Variants in MRPS22 observed in about 807,000 individuals in gnomAD.
MRPS22 encodes mitochondrial ribosomal protein S22.
A neutral mutation model predicts 44.0 loss-of-function variants in MRPS22; 30 were observed. The observed-to-expected ratio is 0.68, with a 90% confidence interval of 0.51 to 0.93. The LOEUF (loss-of-function observed/expected upper bound fraction) is 0.93. MRPS22 is among the 40% of genes least tolerant of loss of function. MRPS22 has a pLI of 0.00. For synonymous variants in MRPS22, 165 were observed against 154.4 expected, an observed-to-expected ratio of 1.07 and a Z score of -0.51; for missense variants, 447 against 447.8, an observed-to-expected ratio of 1.00 and a Z score of 0.02.
In MRPS22 at chr3:139,344,053, G is replaced by C. The variant is rs148997212; in HGVS notation, c.27G>C (p.Leu9Phe). Residue 9 changes from leucine (L) to phenylalanine (F), a missense_variant, in exon 1 of 8, where the codon TTG becomes TTC. Physicochemically the swap from Leu to Phe is conservative, Grantham distance 22. Transcript: ENST00000680020. Reference protein sequence around the residue: MAPLGTTVLLWSLLRSSPG... With the variant: MAPLGTTVFLWSLLRSSPG... ...TGGCGCCCCTCGGAACAACTGTATT[G>C]CTGTGGAGCCTCTTGAGGAGTTCTC... The C allele has an allele frequency of 3.5e-4, 566 of 1,614,158 alleles. 3 individuals carry two copies. In the African/African-American group the frequency reaches 6.9e-3, roughly 20 times the overall value.
At chr3:139,350,430 CT>C (rs987039315) in intron 4 of MRPS22, 108 bp downstream of exon 4, 101,862 of 953,320 alleles carry the variant, frequency 0.11, no homozygotes, top group South Asian at 0.13. Context: ...GATAACTTGA[CT>C]TTTTTTTTTT....
upstream of MRPS22, chr3:139,344,016 T>G (rs773406282): frequency 3.1e-6 from 5 of 1,614,204 alleles, no homozygotes; most frequent in South Asian, 4.4e-5. Context: ...CGCAAGTGGC[T>G]TCTGATAATC....
At position 139,351,049 on chromosome 3, in the gene MRPS22, G is replaced by C. The variant is rs1941142563; in HGVS notation, c.721G>C (p.Glu241Gln). 2 of 1,613,620 alleles carry C rather than the reference G, an allele frequency of 1.2e-6. No homozygotes were observed. The highest frequency in any genetic ancestry group is 1.1e-5 in the South Asian group (1 of 91,074). The change falls in exon 5 of 8, where the codon GAG (glutamate) becomes CAG (glutamine). Residue 241 changes from glutamate to glutamine, a missense_variant. Glu to Gln is a conservative substitution (Grantham distance 29, BLOSUM62 2). Coordinates refer to ENST00000680020, the MANE Select transcript of MRPS22 (RefSeq NM_020191.4). ...TGCCCAGTTTGAGCCAGATTCCACA[G>C]AGTATATCAAGGTGAGTAGATTTTA... is the stretch of plus-strand genomic sequence containing the variant. ...CFAQFEPDST[E>Q]YIKVHHKTYE...
At chr3:139,355,865 T>A in intron 7 of MRPS22, 75 bp downstream of exon 7, 1 of 993,804 alleles carries the variant, frequency 1.0e-6, no homozygotes, top group Non-Finnish European at 1.6e-6. Flanking sequence ...GGGTCATAAT[T>A]AATGGTAACT....
chr3:139,350,796 A>G (rs1941136230), intron 4 of MRPS22, 181 bp from the exon 5 acceptor site: 2 of 659,712 alleles, frequency 3.0e-6, no homozygotes, highest in South Asian at 1.6e-5. Context: ...GGGTTCTCTC[A>G]TAATTGGCTT....
Position 139,348,189 on chromosome 3 carries a change from A to C in MRPS22, c.369A>C (p.Lys123Asn). Residue 123 changes from lysine (K) to asparagine (N), a missense_variant, in exon 3 of 8, where the codon AAA (lysine) becomes AAC (asparagine). Transcript: ENST00000680020. ...CAAGACAGGCAGTTGAGGCAGCTAA[A>C]GTACGATTAAAAATGCCACCAGTTC... ...EATRQAVEAAKVRLKMPPVLE... is the reference protein window; with the variant it reads ...EATRQAVEAANVRLKMPPVLE... 1 of 1,614,196 alleles carries C rather than the reference A, an allele frequency of 6.2e-7. No individual in the cohort carries two copies. Among genetic ancestry groups the C allele is most frequent in the Non-Finnish European group, 8.5e-7 (1 of 1,180,020 alleles).
intron 2 of MRPS22, 130 bp from the exon 3 acceptor site, chr3:139,348,030 T>C: frequency 1.1e-6 from 1 of 951,336 alleles, no homozygotes; most frequent in Non-Finnish European, 1.6e-6. Context: ...GGCTTTTTAC[T>C]CACTGATTTG....
At chr3:139,350,584 C>T (rs988420156) in intron 4 of MRPS22, 10 of 459,706 alleles carry the variant, frequency 2.2e-5, no homozygotes, top group Middle Eastern at 6.3e-4. Flanking sequence ...CCCGCCACCA[C>T]GCTTGGCTAA....
chr3:139,347,153 A>G (rs1941053694), intron 2 of MRPS22, 109 bp downstream of exon 2: 1 of 1,223,108 alleles, frequency 8.2e-7, no homozygotes, highest in Non-Finnish European at 1.2e-6. Flanking sequence ...GCACTAGTGA[A>G]AGGTAATACC....
chr3:139,344,212 C>A lies in MRPS22; in HGVS notation c.172+14C>A. ...GCTCCGAGGCCGGTAAGTGACCTTC[C>A]GGACTTTCGCTGGGGCGTTCTTCTG... is the stretch of plus-strand genomic sequence containing the variant. On this transcript the variant is annotated intron_variant, in intron 1 of 7. Transcript: ENST00000680020. The A allele has an allele frequency of 6.3e-7, 1 of 1,595,058 alleles. No homozygotes were observed. The highest frequency in any genetic ancestry group is 8.5e-7 in the Non-Finnish European group (1 of 1,171,996).
At chr3:139,348,065 G>T in intron 2 of MRPS22, 95 bp from the exon 3 acceptor site, 1 of 1,323,130 alleles carries the variant, frequency 7.6e-7, no homozygotes. Context: ...TTTCTATGCA[G>T]GTTTTTGCAT....
intron 4 of MRPS22, 78 bp from the exon 5 acceptor site, chr3:139,350,899 G>A: frequency 9.0e-7 from 1 of 1,105,286 alleles, no homozygotes; most frequent in Non-Finnish European, 1.4e-6. Context: ...ATGTGGGTGG[G>A]CAGGCCTGTC....
intron 6 of MRPS22, among the ~76,000 whole-genome samples, chr3:139,355,224 C>T (rs1336847282): frequency 2.0e-5 from 3 of 152,118 alleles, no homozygotes; most frequent in Admixed American, 1.3e-4. Flanking sequence ...GCAAATGTCA[C>T]TTAGAGGCAA....
intron 6 of MRPS22, among the ~76,000 whole-genome samples, chr3:139,355,228 G>A (rs1007818381): frequency 3.6e-4 from 54 of 152,050 alleles, no homozygotes; most frequent in Admixed American, 6.5e-5. Context: ...ATGTCACTTA[G>A]AGGCAAGTGA....
At chr3:139,349,187 T>C (rs1393818967) in intron 3 of MRPS22, 1 of 386,156 alleles carries the variant, frequency 2.6e-6, no homozygotes, top group Non-Finnish European at 5.0e-6. Flanking sequence ...ATGTTTGCAG[T>C]GCTGTGCATG....
intron 1 of MRPS22, among the ~76,000 whole-genome samples, chr3:139,346,121 C>T (rs1291793183): frequency 6.6e-6 from 1 of 152,200 alleles, no homozygotes; most frequent in African/African-American, 2.4e-5. Context: ...GTCAAAGGCT[C>T]TTCCATGATA....
intron 6 of MRPS22, 54 bp from the exon 7 acceptor site, chr3:139,355,628 C>A: frequency 7.2e-7 from 1 of 1,391,186 alleles, no homozygotes; most frequent in Non-Finnish European, 1.0e-6. Flanking sequence ...TTTTATAGGA[C>A]TGTGAATCAA....
intron 1 of MRPS22, chr3:139,344,814 C>G (rs771207487): frequency 1.8e-6 from 1 of 567,904 alleles, no homozygotes; most frequent in Non-Finnish European, 3.1e-6. Flanking sequence ...AGAGGGTTGT[C>G]CCATTTACAC....
intron 2 of MRPS22, 79 bp from the exon 3 acceptor site, chr3:139,348,081 A>G (rs954292439): frequency 3.4e-6 from 5 of 1,452,984 alleles, no homozygotes; most frequent in Non-Finnish European, 4.7e-6. Flanking sequence ...TGCATTTTTT[A>G]TTAGTATGTG....
Sources: allele counts gnomAD v4.1 joint callset (sites outside exome capture counted in the v4.1 genomes callset), GRCh38; gene constraint gnomAD v4.1.1; transcripts MANE v1.5; gene names NCBI Gene and HGNC (gene_info 2026-07-23, HGNC 2026-07-21).